ARHGAP15: variants seen among roughly 807,000 people sequenced by gnomAD.
The protein encoded by ARHGAP15 is Rho GTPase activating protein 15.
A neutral mutation model predicts 63.7 loss-of-function variants in ARHGAP15; 51 were observed. The observed-to-expected ratio is 0.80, with a 90% CI of 0.64 to 1.01. The LOEUF is 1.01. ARHGAP15 is among the 50% of genes least tolerant of loss of function. ARHGAP15 has a pLI of 0.00. For missense variants in ARHGAP15, 560 were observed against 564.6 expected (o/e 0.99, Z 0.08); for synonymous variants, 191 against 193.8 (o/e 0.99, Z 0.12).
At chr2:143,361,166 CA>C (rs1213108507) in intron 6 of ARHGAP15, among the ~76,000 whole-genome samples, 3 of 151,464 alleles carry the variant, frequency 2.0e-5, no homozygotes, top group East Asian at 1.9e-4. Flanking sequence ...TCTACACAAG[CA>C]AAAAAAAATT....
intron 3 of ARHGAP15, 29 bp from the exon 4 acceptor site, chr2:143,216,355 C>G (rs193061909): frequency 6.4e-7 from 1 of 1,564,718 alleles, no homozygotes; most frequent in East Asian, 2.2e-5. Context: ...TAGTTTGTCA[C>G]GGTTTTAACA....
chr2:143,519,373 C>G lies in ARHGAP15; in HGVS notation c.925+9C>G. ...AGCTGTTGAGAAAAGAGGTGGGTGA[C>G]TGAATGTGCAGCAGTTCCCCCCATT... On this transcript the variant is annotated intron_variant, in intron 10 of 13. Transcript: ENST00000295095. 1 of 1,607,638 alleles carries G rather than the reference C, an allele frequency of 6.2e-7. No homozygotes were observed. Among genetic ancestry groups the G allele is most frequent in the Non-Finnish European group, 8.5e-7 (1 of 1,174,620 alleles).
At chr2:143,249,373 T>C (rs1159787042) in intron 5 of ARHGAP15, among the ~76,000 whole-genome samples, 1 of 152,116 alleles carries the variant, frequency 6.6e-6, no homozygotes, top group Non-Finnish European at 1.5e-5. Flanking sequence ...CTTATAGAAT[T>C]GGATATAATG....
chr2:143,374,345 A>G (rs936074542), intron 6 of ARHGAP15, among the ~76,000 whole-genome samples: 5 of 151,900 alleles, frequency 3.3e-5, no homozygotes, highest in Non-Finnish European at 7.4e-5. Context: ...TATTCTCGCC[A>G]TTTTCCCCAC....
intron 11 of ARHGAP15, among the ~76,000 whole-genome samples, chr2:143,588,450 G>T (rs1485133836): frequency 6.6e-6 from 1 of 152,080 alleles, no homozygotes; most frequent in African/African-American, 2.4e-5. Context: ...GTGGTTTGCT[G>T]CATTTAATGA....
chr2:143,272,283 C>T (rs1681325438), intron 6 of ARHGAP15, among the ~76,000 whole-genome samples: 2 of 152,138 alleles, frequency 1.3e-5, no homozygotes, highest in South Asian at 4.1e-4. Context: ...TTCTTAACAT[C>T]CATACTCTTT....
intron 6 of ARHGAP15, among the ~76,000 whole-genome samples, chr2:143,391,856 T>A (rs1357541094): frequency 6.6e-6 from 1 of 152,214 alleles, no homozygotes; most frequent in Admixed American, 6.5e-5. Context: ...TAATTCACAT[T>A]TCAAAAATGA....
At chr2:143,280,164 G>C (rs1053238645) in intron 6 of ARHGAP15, among the ~76,000 whole-genome samples, 1 of 152,130 alleles carries the variant, frequency 6.6e-6, no homozygotes, top group Non-Finnish European at 1.5e-5. Flanking sequence ...CATATTTATA[G>C]GCTTTCTTTT....
At chr2:143,380,365 T>A (rs2104939464) in intron 6 of ARHGAP15, among the ~76,000 whole-genome samples, 1 of 152,248 alleles carries the variant, frequency 6.6e-6, no homozygotes, top group South Asian at 2.1e-4. Context: ...ATTGTTTTGT[T>A]CAATCCTCAC....
chr2:143,722,748 G>A (rs1443073883), intron 13 of ARHGAP15, among the ~76,000 whole-genome samples: 2 of 152,192 alleles, frequency 1.3e-5, no homozygotes, highest in Admixed American at 1.3e-4. Context: ...GTTCCATGGA[G>A]TGGCTGGAGA....
chr2:143,715,408 G>C (rs1210914825), intron 13 of ARHGAP15, among the ~76,000 whole-genome samples: 1 of 152,042 alleles, frequency 6.6e-6, no homozygotes, highest in African/African-American at 2.4e-5. Context: ...TTAGAAACTT[G>C]GTATTTTCAG....
At chr2:143,316,447 C>T (rs1683713806) in intron 6 of ARHGAP15, among the ~76,000 whole-genome samples, 1 of 151,220 alleles carries the variant, frequency 6.6e-6, no homozygotes. Flanking sequence ...CTAGAGTACC[C>T]AGAAGCAATA....
At chr2:143,329,642 G>C (rs1254866626) in intron 6 of ARHGAP15, among the ~76,000 whole-genome samples, 2 of 152,146 alleles carry the variant, frequency 1.3e-5, no homozygotes, top group African/African-American at 4.8e-5. Context: ...GTTTTGAGCT[G>C]TTAAATTGGT....
chr2:143,479,255 T>G (rs1294903665), intron 8 of ARHGAP15, among the ~76,000 whole-genome samples: 1 of 152,194 alleles, frequency 6.6e-6, no homozygotes, highest in African/African-American at 2.4e-5. Context: ...CTTACTTTTT[T>G]GCGGAAATCT....
chr2:143,715,352 G>A (rs1684765420), intron 13 of ARHGAP15, among the ~76,000 whole-genome samples: 4 of 152,180 alleles, frequency 2.6e-5, no homozygotes, highest in Admixed American at 2.6e-4. Context: ...TACAACTAAA[G>A]TTGAGATTTC....
At chr2:143,502,697 A>G (rs1159476719) in intron 9 of ARHGAP15, among the ~76,000 whole-genome samples, 1 of 151,992 alleles carries the variant, frequency 6.6e-6, no homozygotes, top group Non-Finnish European at 1.5e-5. Context: ...CTCCTGCCTC[A>G]GTCTCCTGGA....
At position 143,291,481 on chromosome 2, in the gene ARHGAP15, A is replaced by G. The variant is rs563704907; in HGVS notation, c.474+40881A>G. Among the ~76,000 whole-genome samples the G allele has an allele frequency of 1.0e-4, 15 of 147,214 alleles. 1 individual carries two copies. The South Asian group carries it at 2.0e-3, about 20-fold the overall frequency. On this transcript the variant is annotated intron_variant, in intron 6 of 13. Transcript: ENST00000295095. ...TAATGCTTGCTAAGTGTTATGCCAT[A>G]AAAGCAAAGCATATATGATTGTTCA...
In ARHGAP15 at chr2:143,768,242, A is replaced by T. The variant is rs746508762; in HGVS notation, c.*70A>T. On this transcript the variant is annotated 3_prime_UTR_variant, in exon 14 of 14. Transcript: ENST00000295095. ...CTAATATTTTTACATTTCTGTAAAC[A>T]TATTTCTGAAATATTTTTTGCCTTT... The T allele has an allele frequency of 1.4e-6, 2 of 1,452,672 alleles. No homozygotes were observed. Among genetic ancestry groups the T allele is most frequent in the Non-Finnish European group, 1.8e-6 (2 of 1,084,280 alleles). The allele number at this position is 1,452,672 out of a possible 1,614,324, so 90.0% of individuals were successfully genotyped here. A position where few individuals can be genotyped will look rare whatever the true frequency, so the allele number is the denominator to read the frequency against.
At position 143,534,148 on chromosome 2, in the gene ARHGAP15, C is replaced by G. The variant is rs1204911704; in HGVS notation, c.925+14784C>G. Among the ~76,000 whole-genome samples, 5 of 152,172 alleles carry G rather than the reference C, an allele frequency of 3.3e-5. No individual in the cohort carries two copies. In the East Asian group the frequency reaches 7.7e-4, roughly 23 times the overall value. ...GAATCCTGGGGCTGGTTCCTCCATG[C>G]TGTTCTCATAATAGTGAGTGAGTTC... On this transcript the variant is annotated intron_variant, in intron 10 of 13. Coordinates refer to ENST00000295095, the MANE Select transcript of ARHGAP15 (RefSeq NM_018460.4).
Sources: allele counts gnomAD v4.1 joint callset (sites outside exome capture counted in the v4.1 genomes callset), GRCh38; gene constraint gnomAD v4.1.1; transcripts MANE v1.5; gene names NCBI Gene and HGNC (gene_info 2026-07-23, HGNC 2026-07-21).